Variants in EDA2R observed in about 807,000 individuals in gnomAD.
EDA2R encodes ectodysplasin A2 receptor.
In EDA2R, 26 loss-of-function variants were observed where a neutral mutation model predicts 20.1. The ratio of observed to expected loss-of-function variants is 1.30; its 90% CI spans 0.95 to 1.80. The LOEUF (loss-of-function observed/expected upper bound fraction) is 1.80. Ranked by LOEUF, EDA2R falls within the 40% of genes most tolerant of loss-of-function variation. The probability of loss-of-function intolerance (pLI) is 0.00; values close to 1 mark genes in which losing one functional copy is unlikely to be tolerated. For missense variants in EDA2R, 277 were observed against 228.7 expected (o/e 1.21, Z -1.36); for synonymous variants, 114 against 88.7 (o/e 1.29, Z -1.60).
At position 66,596,904 on chromosome X, in the gene EDA2R, A is replaced by G. The variant is rs950437509; in HGVS notation, c.*1200T>C. On this transcript the variant is annotated 3_prime_UTR_variant, in exon 7 of 7. Coordinates refer to ENST00000374719, the MANE Select transcript of EDA2R (RefSeq NM_021783.5). ...CTAATCCTCAGTCCAGTACAATGGG[A>G]CCTTTTTGCTTTTTCCCAAGTCCTT... 5.3e-5 allele frequency: 6 copies of G among 112,739 alleles called. No homozygotes were observed. The highest frequency in any genetic ancestry group is 1.6e-4 in the African/African-American group (5 of 31,078). The allele number at this position is 112,739 out of a possible 1,213,427, so 9.3% of individuals were successfully genotyped here.
intron 1 of EDA2R, among the ~76,000 whole-genome samples, chrX:66,620,213 G>T (rs777831462): frequency 8.9e-6 from 1 of 112,019 alleles, no homozygotes; most frequent in East Asian, 2.8e-4. Context: ...GTATCCTATT[G>T]TATGGATATA....
chrX:66,623,705 T>C (rs1278857071), intron 1 of EDA2R, among the ~76,000 whole-genome samples: 1 of 111,544 alleles, frequency 9.0e-6, no homozygotes, highest in Non-Finnish European at 1.9e-5. Context: ...TAACCAGAAA[T>C]GCCTTCATCT....
Position 66,605,218 on chromosome X carries a change from A to G in EDA2R, c.96T>C (p.Gly32=). 8.3e-7 allele frequency: 1 copy of G among 1,205,249 alleles called. No individual in the cohort carries two copies. Among genetic ancestry groups the G allele is most frequent in the Non-Finnish European group, 1.1e-6 (1 of 892,394 alleles). Residue 32 remains glycine (G), a synonymous_variant, in exon 3 of 7, where the codon GGT becomes GGC. Coordinates refer to ENST00000374719, the MANE Select transcript of EDA2R (RefSeq NM_021783.5). ...AGTAGGCATCTCCACCCTCTCCATA[A>G]CCACAATCCTGTAGACAGATGGGGG... ...GPGQELSKDC[G]YGEGGDAYCT...
chrX:66,632,960 C>G lies in EDA2R; in HGVS notation c.-11+6035G>C, dbSNP rs1159037728. ...AGTATATCAACAGAGGAGAATGAACCTGCGCAAAATTAAAGAAGTCTCATC... is the reference window on the plus strand; with the variant it reads ...AGTATATCAACAGAGGAGAATGAACGTGCGCAAAATTAAAGAAGTCTCATC... On this transcript the variant is annotated intron_variant, in intron 1 of 6. Coordinates refer to ENST00000374719, the MANE Select transcript of EDA2R (RefSeq NM_021783.5). Among the ~76,000 whole-genome samples the G allele has an allele frequency of 2.7e-5, 3 of 111,752 alleles. No homozygotes were observed. In the East Asian group the frequency reaches 8.4e-4, roughly 31 times the overall value.
intron 4 of EDA2R, 45 bp downstream of exon 4, chrX:66,604,376 C>T (rs1929244767): frequency 1.7e-6 from 2 of 1,152,405 alleles, no homozygotes; most frequent in Admixed American, 4.5e-5. Flanking sequence ...CTTGCTGCCA[C>T]CCAATGGGAT....
At chrX:66,626,820 C>G (rs1376562841) in intron 1 of EDA2R, among the ~76,000 whole-genome samples, 6 of 59,449 alleles carry the variant, frequency 1.0e-4, no homozygotes, top group African/African-American at 3.2e-4. Flanking sequence ...GAGAGGAGGA[C>G]AGGGGACAGG....
intron 1 of EDA2R, among the ~76,000 whole-genome samples, chrX:66,619,085 T>G (rs180985911): frequency 9.0e-6 from 1 of 111,592 alleles, no homozygotes; most frequent in African/African-American, 3.3e-5. Flanking sequence ...GGAGTGCACA[T>G]TTGTCATTTT....
chrX:66,629,868 A>T (rs768623785), intron 1 of EDA2R, among the ~76,000 whole-genome samples: 1 of 111,665 alleles, frequency 9.0e-6, no homozygotes, highest in Non-Finnish European at 1.9e-5. Context: ...ACCAAAAAAG[A>T]GCCCACATAA....
In EDA2R at chrX:66,598,017, G is replaced by A. The variant is rs1215670621; in HGVS notation, c.*87C>T. 1 of 966,669 alleles carries A rather than the reference G, an allele frequency of 1.0e-6. No homozygotes were observed. The highest frequency in any genetic ancestry group is 1.3e-6 in the Non-Finnish European group (1 of 753,111). The allele number at this position is 966,669 out of a possible 1,213,427, so 79.7% of individuals were successfully genotyped here. ...TAGCTCTTGTGGACATCACATTTCAGGCCCCTGCTGCTGTTGTGGTATAGG... is the reference window on the plus strand; with the variant it reads ...TAGCTCTTGTGGACATCACATTTCAAGCCCCTGCTGCTGTTGTGGTATAGG... On this transcript the variant is annotated 3_prime_UTR_variant, in exon 7 of 7. Coordinates refer to ENST00000374719, the MANE Select transcript of EDA2R (RefSeq NM_021783.5).
At chrX:66,606,722 C>T (rs1028428188) in intron 2 of EDA2R, among the ~76,000 whole-genome samples, 2 of 112,199 alleles carry the variant, frequency 1.8e-5, no homozygotes, top group Admixed American at 1.9e-4. Flanking sequence ...AGTGGCAGTC[C>T]TAAAGTAGTG....
chrX:66,605,314 A>G (rs1205386516), intron 2 of EDA2R, 88 bp from the exon 3 acceptor site: 1 of 876,258 alleles, frequency 1.1e-6, no homozygotes, highest in Non-Finnish European at 1.5e-6. Context: ...ACAGGGTAGT[A>G]TTTTGCAACT....
At chrX:66,627,686 G>A (rs951154015) in intron 1 of EDA2R, among the ~76,000 whole-genome samples, 5 of 111,681 alleles carry the variant, frequency 4.5e-5, no homozygotes, top group African/African-American at 6.5e-5. Context: ...TAATAGTGGC[G>A]AACTTCAATA....
intron 2 of EDA2R, among the ~76,000 whole-genome samples, chrX:66,608,192 G>A (rs1930040283): frequency 9.0e-6 from 1 of 111,235 alleles, no homozygotes; most frequent in Non-Finnish European, 1.9e-5. Context: ...AGAACATAAG[G>A]AACTTGTGGA....
chrX:66,633,079 T>G (rs985890857), intron 1 of EDA2R, among the ~76,000 whole-genome samples: 10 of 112,402 alleles, frequency 8.9e-5, no homozygotes, highest in Non-Finnish European at 1.5e-4. Context: ...TAAAAGCTGT[T>G]GTCATTGTAC....
At chrX:66,606,371 G>T (rs1929684393) in intron 2 of EDA2R, among the ~76,000 whole-genome samples, 1 of 111,613 alleles carries the variant, frequency 9.0e-6, no homozygotes, top group African/African-American at 3.3e-5. Flanking sequence ...CCATTCCCAG[G>T]CTTGACTCAA....
chrX:66,638,623 C>T (rs1934570848), intron 1 of EDA2R, among the ~76,000 whole-genome samples: 1 of 111,201 alleles, frequency 9.0e-6, no homozygotes, highest in African/African-American at 3.3e-5. Flanking sequence ...CCTCAGGATG[C>T]TCCACAAGTC....
intron 5 of EDA2R, among the ~76,000 whole-genome samples, 195 bp downstream of exon 5, chrX:66,602,438 G>A (rs1027681264): frequency 3.6e-5 from 4 of 110,909 alleles, no homozygotes; most frequent in African/African-American, 1.3e-4. Flanking sequence ...TCTCAGGGTT[G>A]GCTTCAGTAA....
chrX:66,627,322 A>G (rs1933198862), intron 1 of EDA2R, among the ~76,000 whole-genome samples: 1 of 112,460 alleles, frequency 8.9e-6, no homozygotes, highest in Admixed American at 9.4e-5. Context: ...GCTCCACTTA[A>G]GAAATACAGA....
At chrX:66,625,893 G>A (rs894681847) in intron 1 of EDA2R, among the ~76,000 whole-genome samples, 1 of 111,555 alleles carries the variant, frequency 9.0e-6, no homozygotes, top group Non-Finnish European at 1.9e-5. Context: ...CTTGGTGGGT[G>A]GCTAGACTCA....
Sources: allele counts gnomAD v4.1 joint callset (sites outside exome capture counted in the v4.1 genomes callset), GRCh38; gene constraint gnomAD v4.1.1; transcripts MANE v1.5; gene names NCBI Gene and HGNC (gene_info 2026-07-23, HGNC 2026-07-21).